The following GALNT2 variants were observed in gnomAD, a reference collection of about 807,000 sequenced individuals.
The protein encoded by GALNT2 is polypeptide N-acetylgalactosaminyltransferase 2.
GALNT2 carries 31 observed loss-of-function variants against 81.4 expected under a neutral mutation model. The ratio of observed to expected loss-of-function variants is 0.38; its 90% CI spans 0.29 to 0.51. GALNT2 has a LOEUF of 0.51. Among genes scored for constraint, GALNT2 ranks in the 20% least tolerant of loss-of-function variants. The probability of loss-of-function intolerance (pLI) is 0.87; values close to 1 mark genes in which losing one functional copy is unlikely to be tolerated. For missense variants in GALNT2, 629 were observed against 765.7 expected, an observed-to-expected ratio of 0.82 and a Z score of 2.11; for synonymous variants, 303 against 287.4, an observed-to-expected ratio of 1.05 and a Z score of -0.55.
intron 1 of GALNT2, among the ~76,000 whole-genome samples, chr1:230,143,439 C>T (rs376738608): frequency 6.6e-6 from 1 of 152,196 alleles, no homozygotes; most frequent in East Asian, 1.9e-4. Context: ...GCAGGTTCCA[C>T]AGTCACACAG....
At chr1:230,182,755 A>T (rs1055890250) in intron 2 of GALNT2, among the ~76,000 whole-genome samples, 1 of 152,146 alleles carries the variant, frequency 6.6e-6, no homozygotes, top group African/African-American at 2.4e-5. Context: ...TAGTTGATTG[A>T]TGGTGTTGTT....
At position 230,243,152 on chromosome 1, in the gene GALNT2, G is replaced by C. The variant is rs1665249937; in HGVS notation, c.608-154G>C. ...TTCTGACAATAGTCTGTCTCATGGA[G>C]CAGTTTTGATCTCATCCAGCAAGTT... On this transcript the variant is annotated intron_variant, in intron 6 of 15. Transcript: ENST00000366672. This position sits in a 1 kb window ranked among gnomAD's most constrained non-coding sequence, Gnocchi z 4.2. Among the ~76,000 whole-genome samples the C allele has an allele frequency of 6.6e-6, 1 of 152,226 alleles. No individual in the cohort carries two copies. The highest frequency in any genetic ancestry group is 2.1e-4 in the South Asian group (1 of 4,830).
intron 3 of GALNT2, among the ~76,000 whole-genome samples, chr1:230,204,168 CTT>C (rs373232106): frequency 7.9e-6 from 1 of 125,964 alleles, no homozygotes. Context: ...TTTTCTTTTT[CTT>C]TTTTTTTTTG....
intron 10 of GALNT2, among the ~76,000 whole-genome samples, chr1:230,254,970 C>T (rs546347883): frequency 1.3e-5 from 2 of 152,226 alleles, no homozygotes; most frequent in Non-Finnish European, 2.9e-5. Flanking sequence ...AAATATTTCC[C>T]CGTGAACATT....
chr1:230,071,861 C>T (rs182892528), intron 1 of GALNT2, among the ~76,000 whole-genome samples: 114 of 152,336 alleles, frequency 7.5e-4, no homozygotes, highest in African/African-American at 2.5e-3. Flanking sequence ...GTGGCTGCCT[C>T]TGGGTCAGCA....
In GALNT2 at chr1:230,229,340, A is replaced by G. The variant is rs147610891; in HGVS notation, c.375-6674A>G. ...TCAGCTCCTAAGCATATAAGATGAT[A>G]TGTGGCCTCTCTAGTAATCAGGTAC... On this transcript the variant is annotated intron_variant, in intron 3 of 15. Coordinates refer to ENST00000366672, the MANE Select transcript of GALNT2 (RefSeq NM_004481.5). 1.5e-3 allele frequency among the ~76,000 whole-genome samples: 222 copies of G among 152,356 alleles called. 2 individuals are homozygous for G. Among genetic ancestry groups the G allele is most frequent in the Middle Eastern group, 0.01 (3 of 294 alleles).
chr1:230,178,459 T>G, intron 2 of GALNT2, 148 bp downstream of exon 2: 1 of 579,190 alleles, frequency 1.7e-6, no homozygotes, highest in Non-Finnish European at 3.0e-6. Flanking sequence ...CTTTGCCAAC[T>G]TCCATCGGAC....
chr1:230,105,084 G>A lies in GALNT2; in HGVS notation c.126+37678G>A, dbSNP rs561056390. ...AGCGTACTGATGCCAGAGGCTGGGG[G>A]TGTGGAAGGGAAGCTGCTGTGCTGT... On this transcript the variant is annotated intron_variant, in intron 1 of 15. Transcript: ENST00000366672. Among the ~76,000 whole-genome samples the A allele has an allele frequency of 4.6e-5, 7 of 152,328 alleles. No individual in the cohort carries two copies. In the East Asian group the frequency reaches 1.2e-3, roughly 25 times the overall value.
chr1:230,094,185 T>A (rs1392429846), intron 1 of GALNT2, among the ~76,000 whole-genome samples: 2 of 115,882 alleles, frequency 1.7e-5, no homozygotes, highest in African/African-American at 6.7e-5. Context: ...TTTTTTTTTT[T>A]TTTTTGGTAG....
intron 1 of GALNT2, among the ~76,000 whole-genome samples, chr1:230,164,441 G>A (rs1478220838): frequency 2.6e-5 from 4 of 152,098 alleles, no homozygotes; most frequent in Non-Finnish European, 4.4e-5. Context: ...GGAAAGTGAT[G>A]TACATAGAGG....
intron 1 of GALNT2, among the ~76,000 whole-genome samples, chr1:230,121,183 T>G (rs1353773774): frequency 1.3e-5 from 2 of 152,216 alleles, no homozygotes; most frequent in Non-Finnish European, 2.9e-5. Context: ...GGAGGTCACT[T>G]CCAGCTCTTT....
intron 1 of GALNT2, among the ~76,000 whole-genome samples, chr1:230,115,022 T>TTA: frequency 6.6e-6 from 1 of 150,998 alleles, no homozygotes; most frequent in Admixed American, 6.6e-5. Flanking sequence ...TTTTTTTTTT[T>TTA]TAAGATGGAG....
At chr1:230,136,234 C>A (rs1661533893) in intron 1 of GALNT2, among the ~76,000 whole-genome samples, 1 of 152,034 alleles carries the variant, frequency 6.6e-6, no homozygotes, top group South Asian at 2.1e-4. Context: ...TAACTATGAT[C>A]GAACCTGCAC....
chr1:230,076,965 T>C (rs1221972691), intron 1 of GALNT2, among the ~76,000 whole-genome samples: 2 of 152,128 alleles, frequency 1.3e-5, no homozygotes, highest in Non-Finnish European at 2.9e-5. Context: ...CCTAGAAAAA[T>C]GACGCACTTC....
intron 3 of GALNT2, among the ~76,000 whole-genome samples, chr1:230,234,347 T>TC (rs1235383341): frequency 6.6e-6 from 1 of 152,184 alleles, no homozygotes; most frequent in Non-Finnish European, 1.5e-5. Flanking sequence ...TCTGTGAATC[T>TC]CCTTCTTTCA....
chr1:230,064,106 T>C (rs1389686754), upstream of GALNT2, among the ~76,000 whole-genome samples: 2 of 152,244 alleles, frequency 1.3e-5, no homozygotes, highest in Non-Finnish European at 2.9e-5. Flanking sequence ...TTTATATTTT[T>C]AATATATTAC....
At chr1:230,060,781 A>G (rs911913240) in intron 1 of GALNT2, among the ~76,000 whole-genome samples, 2 of 152,064 alleles carry the variant, frequency 1.3e-5, no homozygotes, top group Non-Finnish European at 2.9e-5. Flanking sequence ...CCATTTATTT[A>G]TTATCATTGT....
intron 1 of GALNT2, among the ~76,000 whole-genome samples, chr1:230,103,426 T>G (rs1660455828): frequency 6.6e-6 from 1 of 152,232 alleles, no homozygotes; most frequent in Non-Finnish European, 1.5e-5. Context: ...CCAGATGCCT[T>G]CCTGCAGCAG....
intron 1 of GALNT2, among the ~76,000 whole-genome samples, chr1:230,093,873 TAATGA>T (rs753449494): frequency 6.6e-6 from 1 of 152,216 alleles, no homozygotes; most frequent in Non-Finnish European, 1.5e-5. Context: ...GTTGCCACAA[TAATGA>T]AATCACCTAA....
Sources: allele counts gnomAD v4.1 joint callset (sites outside exome capture counted in the v4.1 genomes callset), GRCh38; gene constraint gnomAD v4.1.1; non-coding constraint Gnocchi (gnomAD v3.1); transcripts MANE v1.5; gene names NCBI Gene and HGNC (gene_info 2026-07-23, HGNC 2026-07-21).